FBH1: variants seen among roughly 807,000 people sequenced by gnomAD.
FBH1 encodes the protein DNA 3'-5' helicase 1.
A neutral mutation model predicts 115.5 loss-of-function variants in FBH1; 43 were observed. The ratio of observed to expected loss-of-function variants is 0.37; its 90% CI spans 0.29 to 0.48. FBH1 has a LOEUF of 0.48. Ranked by LOEUF, FBH1 falls within the 20% of genes least tolerant of loss-of-function variation. The pLI, the probability that FBH1 is intolerant of heterozygous loss-of-function variation, is 0.99. For missense variants in FBH1, 1,001 were observed against 1,337.3 expected (o/e 0.75, Z 3.92); for synonymous variants, 524 against 507.8 (o/e 1.03, Z -0.43).
chr10:5,928,338 A>G (rs1179479944), intron 19 of FBH1: 1 of 151,686 alleles, frequency 6.6e-6, no homozygotes, highest in Non-Finnish European at 1.5e-5. Context: ...TTTTCTAGAG[A>G]CGGTGTCTTG....
intron 2 of FBH1, chr10:5,905,344 C>G (rs942101728): frequency 3.9e-5 from 6 of 152,182 alleles, no homozygotes; most frequent in African/African-American, 7.2e-5. Flanking sequence ...CACGGCGAAA[C>G]CCCATCTCTA....
intron 1 of FBH1, chr10:5,893,906 T>C (rs1478607584): frequency 1.2e-6 from 1 of 822,678 alleles, no homozygotes; most frequent in Non-Finnish European, 1.5e-6. Flanking sequence ...CTTTCAAATA[T>C]ATAAAATTAT....
chr10:5,925,244 A>C lies in FBH1; in HGVS notation c.2597-123A>C. On this transcript the variant is annotated intron_variant, in intron 17 of 20. Transcript: ENST00000362091. This position sits in a 1 kb window ranked among gnomAD's most constrained non-coding sequence, Gnocchi z 4.6. ...TTGTTTCCTCTTTCCCCCTTTTCCT[A>C]CAAAACTGCACTGAGGCAAGAAATG... The C allele has an allele frequency of 8.4e-7, 1 of 1,188,768 alleles. No homozygotes were observed. The highest frequency in any genetic ancestry group is 1.2e-6 in the Non-Finnish European group (1 of 849,164). The allele number at this position is 1,188,768 out of a possible 1,614,324, so 73.6% of individuals were successfully genotyped here. A position where few individuals can be genotyped will look rare whatever the true frequency, so the allele number is the denominator to read the frequency against.
Position 5,925,251 on chromosome 10 carries a change from T to C in FBH1, c.2597-116T>C, listed in dbSNP as rs1832574388. ...CTCTTTCCCCCTTTTCCTACAAAACTGCACTGAGGCAAGAAATGTTCGAGT... is the reference window on the plus strand; with the variant it reads ...CTCTTTCCCCCTTTTCCTACAAAACCGCACTGAGGCAAGAAATGTTCGAGT... On this transcript the variant is annotated intron_variant, in intron 17 of 20. Transcript: ENST00000362091. This position sits in a 1 kb window ranked among gnomAD's most constrained non-coding sequence, Gnocchi z 4.6. 7.8e-7 allele frequency: 1 copy of C among 1,275,508 alleles called. No individual in the cohort carries two copies. Among genetic ancestry groups the C allele is most frequent in the Non-Finnish European group, 1.1e-6 (1 of 916,146 alleles). The allele number at this position is 1,275,508 out of a possible 1,614,324, so 79.0% of individuals were successfully genotyped here.
rs1364833703 is a variant in FBH1, at chr10:5,915,957, A to G, written c.1566-277A>G. On this transcript the variant is annotated intron_variant, in intron 9 of 20. Transcript: ENST00000362091. This position sits in a 1 kb window ranked among gnomAD's most constrained non-coding sequence, Gnocchi z 5.2. ...GGATGTAGAGGCATCAGGGAACTCC[A>G]AGGGTCCCTCCGGGGACCTTCTGGA... 1 of 497,190 alleles carries G rather than the reference A, an allele frequency of 2.0e-6. No homozygotes were observed. 30.8% of individuals were successfully genotyped at this position (497,190 alleles called of 1,614,324 possible). A position where few individuals can be genotyped will look rare whatever the true frequency, so the allele number is the denominator to read the frequency against.
chr10:5,906,589 G>A lies in FBH1; in HGVS notation c.710G>A (p.Ser237Asn). 6.2e-7 allele frequency: 1 copy of A among 1,612,530 alleles called. No individual in the cohort carries two copies. The highest frequency in any genetic ancestry group is 8.5e-7 in the Non-Finnish European group (1 of 1,179,714). ...LPVEDLYWNLSLVCHLWREII... is the reference protein window; with the variant it reads ...LPVEDLYWNLNLVCHLWREII... ...GTGGAAGACCTCTATTGGAACCTGA[G>A]CTTGGTGTGCCACTTGTGGAGGGAG... The change falls in exon 3 of 21, where the codon AGC (serine) becomes AAC (asparagine). Residue 237 changes from serine to asparagine, a missense_variant. Ser to Asn is a conservative substitution (Grantham distance 46). This residue lies in a region of FBH1 where 420 missense variants were observed against 430.4 expected (regional missense o/e 0.98). Transcript: ENST00000362091. The surrounding 1 kb of genome is among the most constrained non-coding windows in gnomAD (Gnocchi z 7.3).
intron 1 of FBH1, among the ~76,000 whole-genome samples, chr10:5,902,107 T>C (rs926485418): frequency 2.0e-5 from 3 of 152,128 alleles, no homozygotes; most frequent in African/African-American, 7.2e-5. Context: ...TTTTCTCCTC[T>C]AAAGGTCCTG....
In FBH1 at chr10:5,921,092, T is replaced by A. The variant is rs934345722; in HGVS notation, c.2101-166T>A. ...GAGAATAATGGAAAATAAAGACTGCTGAGTTGTGAAGGACCTTGAAAGTGA... is the reference window on the plus strand; with the variant it reads ...GAGAATAATGGAAAATAAAGACTGCAGAGTTGTGAAGGACCTTGAAAGTGA... On this transcript the variant is annotated intron_variant, in intron 13 of 20. Transcript: ENST00000362091. The surrounding 1 kb of genome is among the most constrained non-coding windows in gnomAD (Gnocchi z 6.4). Among the ~76,000 whole-genome samples, 1 of 152,234 alleles carries A rather than the reference T, an allele frequency of 6.6e-6. No individual in the cohort carries two copies. Among genetic ancestry groups the A allele is most frequent in the African/African-American group, 2.4e-5 (1 of 41,454 alleles).
At position 5,936,185 on chromosome 10, in the gene FBH1, C is replaced by T. The variant is rs1833329508; in HGVS notation, c.2830-271C>T. On this transcript the variant is annotated intron_variant, in intron 19 of 20. Transcript: ENST00000362091. This position sits in a 1 kb window ranked among gnomAD's most constrained non-coding sequence, Gnocchi z 5.6. ...GCATAAAATAAAATCCAGAAATATT[C>T]TGGAAATGTCATTACAGGCAATAGT... is the stretch of plus-strand genomic sequence containing the variant. 4.3e-6 allele frequency: 1 copy of T among 231,786 alleles called. No homozygotes were observed. The highest frequency in any genetic ancestry group is 8.8e-6 in the Non-Finnish European group (1 of 113,888). 14.4% of individuals were successfully genotyped at this position (231,786 alleles called of 1,614,324 possible).
rs1831426307 is a variant in FBH1 at position 5,909,526 on chromosome 10, C to G, written c.1020+232C>G. ...TTTAACAAATCATTTAGTCTGATTT[C>G]CCATTTGGTTGAGGAATCTTCTCTG... On this transcript the variant is annotated intron_variant, in intron 5 of 20. Transcript: ENST00000362091. This position sits in a 1 kb window ranked among gnomAD's most constrained non-coding sequence, Gnocchi z 4.4. 1 of 474,278 alleles carries G rather than the reference C, an allele frequency of 2.1e-6. No homozygotes were observed. The highest frequency in any genetic ancestry group is 2.0e-5 in the African/African-American group (1 of 50,588). 29.4% of individuals were successfully genotyped at this position (474,278 alleles called of 1,614,324 possible).
rs1195539790 is a variant in FBH1, at chr10:5,897,682, G to A, written c.2-5338G>A. ...CAGAGGCCAGATCACCAGTCTAAGC[G>A]CCCCTCCCCCGGTACCGAACCTCAG... On this transcript the variant is annotated intron_variant, in intron 1 of 20. Coordinates refer to ENST00000362091, the MANE Select transcript of FBH1 (RefSeq NM_178150.3). This position sits in a 1 kb window ranked among gnomAD's most constrained non-coding sequence, Gnocchi z 4.7. Among the ~76,000 whole-genome samples the A allele has an allele frequency of 3.3e-5, 5 of 152,004 alleles. No individual in the cohort carries two copies. The highest frequency in any genetic ancestry group is 1.2e-4 in the African/African-American group (5 of 41,362).
At chr10:5,920,307 A>G (rs1281216889) in intron 13 of FBH1, among the ~76,000 whole-genome samples, 2 of 152,224 alleles carry the variant, frequency 1.3e-5, no homozygotes, top group Non-Finnish European at 2.9e-5. Flanking sequence ...GCATACTGTC[A>G]CCATGGCTCA....
chr10:5,930,435 C>T (rs1832902760), intron 19 of FBH1, among the ~76,000 whole-genome samples: 1 of 152,228 alleles, frequency 6.6e-6, no homozygotes, highest in Non-Finnish European at 1.5e-5. Context: ...TGGTTTGCTT[C>T]CCGGTGTGGT....
At chr10:5,903,379 G>A (rs1308236023) in intron 2 of FBH1, among the ~76,000 whole-genome samples, 3 of 149,308 alleles carry the variant, frequency 2.0e-5, no homozygotes, top group Non-Finnish European at 4.4e-5. Context: ...TGCCCTGGCT[G>A]GAGTGCAATG....
chr10:5,906,134 C>T lies in FBH1; in HGVS notation c.255C>T (p.Ser85=), dbSNP rs1843675230. 1.2e-6 allele frequency: 2 copies of T among 1,614,070 alleles called. No individual in the cohort carries two copies. Among genetic ancestry groups the T allele is most frequent in the African/African-American group, 1.3e-5 (1 of 74,922 alleles). ...AAAGCAATTCTGTTGGCCAGGACAG[C>T]TGTCAGGACTCTGAGGGTGACATGA... is the stretch of plus-strand genomic sequence containing the variant. ...MAKSNSVGQD[S]CQDSEGDMIF... The change falls in exon 3 of 21, where the codon AGC becomes AGT. Residue 85 remains serine, a synonymous_variant. Coordinates refer to ENST00000362091, the MANE Select transcript of FBH1 (RefSeq NM_178150.3). The surrounding 1 kb of genome is among the most constrained non-coding windows in gnomAD (Gnocchi z 7.3).
intron 1 of FBH1, among the ~76,000 whole-genome samples, chr10:5,901,252 A>G (rs1843329698): frequency 6.6e-6 from 1 of 152,082 alleles, no homozygotes; most frequent in Non-Finnish European, 1.5e-5. Flanking sequence ...GGCTCACTGC[A>G]ACCTCTGCCT....
In FBH1 at chr10:5,903,126, T is replaced by C. The variant is rs1170368501; in HGVS notation, c.108T>C (p.Asp36=). 4 of 1,613,636 alleles carry C rather than the reference T, an allele frequency of 2.5e-6. No individual in the cohort carries two copies. The highest frequency in any genetic ancestry group is 3.4e-6 in the Non-Finnish European group (4 of 1,179,840). The part of the protein sequence containing the change: ...QPFGQRWTNR[D]PNHGLYPKPR... ...TCGGTCAAAGATGGACAAACAGAGA[T>C]CCGAACCATGGTCTCTATCCTAAAC... Residue 36 remains aspartate, a synonymous_variant, in exon 2 of 21, where the codon GAT becomes GAC. Coordinates refer to ENST00000362091, the MANE Select transcript of FBH1 (RefSeq NM_178150.3).
rs1042898375 is a variant in FBH1, at chr10:5,937,253, T to C, written c.3105T>C (p.His1035=). 1.2e-6 allele frequency: 2 copies of C among 1,607,304 alleles called. No individual in the cohort carries two copies. The highest frequency in any genetic ancestry group is 1.7e-6 in the Non-Finnish European group (2 of 1,176,370). Residue 1035 remains histidine (H), a synonymous_variant, in exon 21 of 21, where the codon CAT becomes CAC. Transcript: ENST00000362091. ...RTVENIVLPR[H]EALLFLVF The stretch of plus-strand genomic sequence containing the variant: ...TGGAGAACATCGTACTGCCCCGGCA[T>C]GAGGCCCTGCTCTTCCTCGTCTTCT...
At chr10:5,927,918 A>G (rs973401027) in intron 19 of FBH1, among the ~76,000 whole-genome samples, 26 of 151,778 alleles carry the variant, frequency 1.7e-4, no homozygotes, top group Admixed American at 2.6e-4. Context: ...CTAAAAATAC[A>G]TAAATTAGCC....
Sources: gnomAD v4.1 joint callset for allele counts (sites outside exome capture counted in the v4.1 genomes callset) on GRCh38, gnomAD v4.1.1 for gene constraint, gnomAD v4.1.1 regional missense constraint, Gnocchi (gnomAD v3.1) non-coding constraint, MANE v1.5 for transcripts, NCBI Gene and HGNC (gene_info 2026-07-23, HGNC 2026-07-21) for gene names.